SLC22A23: variants seen among roughly 807,000 people sequenced by gnomAD.
The protein encoded by SLC22A23 is solute carrier family 22 member 23, also known as ion transporter protein.
In SLC22A23, 26 loss-of-function variants were observed where a neutral mutation model predicts 61.0. The observed-to-expected ratio is 0.43, with a 90% CI of 0.31 to 0.59. The LOEUF is 0.59. SLC22A23 is among the 20% of genes least tolerant of loss of function. SLC22A23 has a pLI of 0.11. For synonymous variants in SLC22A23, 430 were observed against 413.9 expected, an observed-to-expected ratio of 1.04 and a Z score of -0.47; for missense variants, 796 against 934.7, an observed-to-expected ratio of 0.85 and a Z score of 1.94.
At chr6:3,443,658 C>T (rs17250880) in intron 1 of SLC22A23, among the ~76,000 whole-genome samples, 4 of 152,032 alleles carry the variant, frequency 2.6e-5, no homozygotes, top group East Asian at 3.8e-4. Context: ...GAAGAACAGC[C>T]GGAACCATAT....
intron 3 of SLC22A23, among the ~76,000 whole-genome samples, chr6:3,358,676 A>C (rs1407629856): frequency 2.0e-5 from 3 of 152,204 alleles, no homozygotes; most frequent in African/African-American, 4.8e-5. Flanking sequence ...AGTTCACGAT[A>C]CTGTGCTGTA....
At position 3,329,314 on chromosome 6, in the gene SLC22A23, T is replaced by C. The variant is rs1763453847; in HGVS notation, c.914-5312A>G. ...ACAAATGAATAAAACACAACACTTATTCTTCCTTAAATACGTTTAAGAAAC... is the reference window on the plus strand; with the variant it reads ...ACAAATGAATAAAACACAACACTTACTCTTCCTTAAATACGTTTAAGAAAC... On this transcript the variant is annotated intron_variant, in intron 3 of 9. Coordinates refer to ENST00000406686, the MANE Select transcript of SLC22A23 (RefSeq NM_015482.2). The surrounding 1 kb of genome is among the most constrained non-coding windows in gnomAD (Gnocchi z 4.8). Among the ~76,000 whole-genome samples, 1 of 152,230 alleles carries C rather than the reference T, an allele frequency of 6.6e-6. No individual in the cohort carries two copies. Among genetic ancestry groups the C allele is most frequent in the South Asian group, 2.1e-4 (1 of 4,832 alleles).
At chr6:3,364,979 C>T (rs1306266066) in intron 3 of SLC22A23, among the ~76,000 whole-genome samples, 2 of 152,060 alleles carry the variant, frequency 1.3e-5, no homozygotes, top group East Asian at 1.9e-4. Context: ...ATTAAAGGGC[C>T]GAGGGAATGA....
At chr6:3,298,027 C>T in intron 5 of SLC22A23, 64 bp downstream of exon 5, 1 of 1,435,944 alleles carries the variant, frequency 7.0e-7, no homozygotes, top group Non-Finnish European at 9.1e-7. Context: ...ACAAAACCAG[C>T]CCAGGTGTCA....
chr6:3,400,251 C>G (rs1020357926), intron 3 of SLC22A23, among the ~76,000 whole-genome samples: 1 of 152,124 alleles, frequency 6.6e-6, no homozygotes, highest in Non-Finnish European at 1.5e-5. Context: ...TTAAGCTGAC[C>G]ACTGGAAAAA....
intron 3 of SLC22A23, among the ~76,000 whole-genome samples, chr6:3,335,216 T>C (rs1763783602): frequency 6.6e-6 from 1 of 152,082 alleles, no homozygotes; most frequent in Non-Finnish European, 1.5e-5. Flanking sequence ...TACTAGCAGG[T>C]GGGAGCAGTA....
At chr6:3,438,755 T>C (rs1440655111) in intron 1 of SLC22A23, among the ~76,000 whole-genome samples, 1 of 152,264 alleles carries the variant, frequency 6.6e-6, no homozygotes, top group Non-Finnish European at 1.5e-5. Context: ...AAATATACTA[T>C]GGCCCTTTTC....
At chr6:3,306,830 G>C (rs1762007308) in intron 4 of SLC22A23, among the ~76,000 whole-genome samples, 1 of 152,224 alleles carries the variant, frequency 6.6e-6, no homozygotes, top group Non-Finnish European at 1.5e-5. Flanking sequence ...AGCCGTTCAG[G>C]ACAAGGACGC....
chr6:3,333,260 G>A lies in SLC22A23; in HGVS notation c.914-9258C>T, dbSNP rs1437492621. On this transcript the variant is annotated intron_variant, in intron 3 of 9. Coordinates refer to ENST00000406686, the MANE Select transcript of SLC22A23 (RefSeq NM_015482.2). This position sits in a 1 kb window ranked among gnomAD's most constrained non-coding sequence, Gnocchi z 4.1. The stretch of plus-strand genomic sequence containing the variant: ...AGGAAGAACTTGTATTCAGCAACAA[G>A]GGCCAGCTCTTTGCCCTGAAATACG... 6.6e-6 allele frequency among the ~76,000 whole-genome samples: 1 copy of A among 152,172 alleles called. No individual in the cohort carries two copies. The highest frequency in any genetic ancestry group is 2.4e-5 in the African/African-American group (1 of 41,434).
At chr6:3,339,682 A>G (rs1321088852) in intron 3 of SLC22A23, among the ~76,000 whole-genome samples, 2 of 152,318 alleles carry the variant, frequency 1.3e-5, no homozygotes, top group East Asian at 3.9e-4. Context: ...CACTCCCAGC[A>G]GCGCCATGAC....
intron 1 of SLC22A23, among the ~76,000 whole-genome samples, chr6:3,429,159 A>C (rs953974119): frequency 2.0e-5 from 3 of 152,168 alleles, no homozygotes; most frequent in African/African-American, 7.2e-5. Flanking sequence ...GGGGTACAAC[A>C]GTCCTGTCAC....
In SLC22A23 at chr6:3,386,134, A is replaced by G. The variant is rs1177992132; in HGVS notation, c.913+24054T>C. Among the ~76,000 whole-genome samples the G allele has an allele frequency of 6.6e-6, 1 of 151,580 alleles. No homozygotes were observed. The highest frequency in any genetic ancestry group is 2.4e-5 in the African/African-American group (1 of 41,186). On this transcript the variant is annotated intron_variant, in intron 3 of 9. Transcript: ENST00000406686. The surrounding 1 kb of genome is among the most constrained non-coding windows in gnomAD (Gnocchi z 4.4). Reference sequence around the variant, plus strand: ...GCTTGAAGAACTCACACCTTTCCACACCCCTCCCGGGTGTCTCATTACCTG... The same window carrying G: ...GCTTGAAGAACTCACACCTTTCCACGCCCCTCCCGGGTGTCTCATTACCTG...
chr6:3,431,627 T>G (rs951061286), intron 1 of SLC22A23, among the ~76,000 whole-genome samples: 1 of 152,220 alleles, frequency 6.6e-6, no homozygotes, highest in Non-Finnish European at 1.5e-5. Flanking sequence ...ATTTTGGTTT[T>G]GGAAAGTAGG....
At chr6:3,407,559 A>C (rs994904995) in intron 3 of SLC22A23, among the ~76,000 whole-genome samples, 10 of 151,838 alleles carry the variant, frequency 6.6e-5, no homozygotes, top group Admixed American at 5.9e-4. Context: ...CTCTCAACCA[A>C]CTCTCCTAAA....
At position 3,286,009 on chromosome 6, in the gene SLC22A23, G is replaced by A. The variant is rs1345547098; in HGVS notation, c.1546+850C>T. On this transcript the variant is annotated intron_variant, in intron 7 of 9. Transcript: ENST00000406686. This position sits in a 1 kb window ranked among gnomAD's most constrained non-coding sequence, Gnocchi z 4.2. Reference sequence around the variant, plus strand: ...GGCTGGCCACGGAGATGCTGTGGTGGTTTGTCCATACACGGGAATGGGTAT... The same window carrying A: ...GGCTGGCCACGGAGATGCTGTGGTGATTTGTCCATACACGGGAATGGGTAT... Among the ~76,000 whole-genome samples the A allele has an allele frequency of 6.6e-6, 1 of 152,160 alleles. No individual in the cohort carries two copies. The highest frequency in any genetic ancestry group is 1.5e-5 in the Non-Finnish European group (1 of 68,014).
intron 1 of SLC22A23, among the ~76,000 whole-genome samples, chr6:3,440,899 C>T (rs371814179): frequency 1.3e-5 from 2 of 152,150 alleles, no homozygotes; most frequent in Admixed American, 6.5e-5. Context: ...TTGAAGCTGC[C>T]CGTCTGTGGT....
chr6:3,446,438 C>T (rs879884804), intron 1 of SLC22A23, among the ~76,000 whole-genome samples: 1 of 152,224 alleles, frequency 6.6e-6, no homozygotes, highest in Non-Finnish European at 1.5e-5. Flanking sequence ...AATTTGAAGG[C>T]AAATTCTAGC....
chr6:3,442,999 C>T (rs1771694311), intron 1 of SLC22A23, among the ~76,000 whole-genome samples: 1 of 152,212 alleles, frequency 6.6e-6, no homozygotes, highest in South Asian at 2.1e-4. Context: ...TGCCATTGCA[C>T]ACCTTGAGCT....
intron 3 of SLC22A23, among the ~76,000 whole-genome samples, chr6:3,334,860 T>C (rs921278664): frequency 6.6e-6 from 1 of 152,234 alleles, no homozygotes; most frequent in Non-Finnish European, 1.5e-5. Context: ...TCCAACCTGC[T>C]TATTTTATTC....
Sources: gnomAD v4.1 joint callset for allele counts (sites outside exome capture counted in the v4.1 genomes callset) on GRCh38, gnomAD v4.1.1 for gene constraint, Gnocchi (gnomAD v3.1) non-coding constraint, MANE v1.5 for transcripts, NCBI Gene and HGNC (gene_info 2026-07-23, HGNC 2026-07-21) for gene names.